The following CARS2 variants were observed in gnomAD, a reference collection of about 807,000 sequenced individuals.
CARS2 encodes the protein cysteinyl-tRNA synthetase 2, mitochondrial.
A neutral mutation model predicts 68.8 loss-of-function variants in CARS2; 52 were observed. The observed-to-expected ratio is 0.76, with a 90% CI of 0.61 to 0.95. The LOEUF is 0.95. Ranked by LOEUF, CARS2 falls within the 40% of genes least tolerant of loss-of-function variation. The pLI, the probability that CARS2 is intolerant of heterozygous loss-of-function variation, is 0.00. For missense variants in CARS2, 780 were observed against 754.2 expected (o/e 1.03, Z -0.40); for synonymous variants, 314 against 303.6 (o/e 1.03, Z -0.36).
chr13:110,646,997 G>A, intron 11 of CARS2, 104 bp downstream of exon 11: 1 of 1,352,048 alleles, frequency 7.4e-7, no homozygotes, highest in Non-Finnish European at 9.8e-7. Context: ...CTCCTGTCCA[G>A]CGCCCTGTCT....
In CARS2 at chr13:110,649,931, C is replaced by CTGTTTTTTTTTTTTTTTTTTTTT. The variant is rs1249270267; in HGVS notation, c.1054+1102_1054+1103insAAAAAAAAAAAAAAAAAAAAACA. 6.0e-4 allele frequency among the ~76,000 whole-genome samples: 44 copies of CTGTTTTTTTTTTTTTTTTTTTTT among 73,146 alleles called. 3 individuals are homozygous for CTGTTTTTTTTTTTTTTTTTTTTT. The highest frequency in any genetic ancestry group is 1.3e-3 in the East Asian group (3 of 2,246). 48.0% of individuals were successfully genotyped at this position (73,146 alleles called of 152,430 possible). ...CCAGGGATGCAGCTCTGGATAACGA[C>CTGTTTTTTTTTTTTTTTTTTTTT]TTTTTTTTTTTTTTTTTTTTTTTTG... On this transcript the variant is annotated intron_variant, in intron 10 of 14. Transcript: ENST00000257347.
intron 14 of CARS2, 108 bp from the exon 15 acceptor site, chr13:110,641,716 C>A: frequency 2.2e-6 from 2 of 897,108 alleles, no homozygotes; most frequent in South Asian, 2.7e-5. Context: ...ACCGGCCTGT[C>A]CTAAAAAGCT....
In CARS2 at chr13:110,674,862, G is replaced by GA. The variant is rs1305485254; in HGVS notation, c.785+2111dup. ...ACAAAGAACTTAAACAAATTTACAA[G>GA]AAAAAATCAAACAACCCCATCAAAA... On this transcript the variant is annotated intron_variant, in intron 7 of 14. Coordinates refer to ENST00000257347, the MANE Select transcript of CARS2 (RefSeq NM_024537.4). Among the ~76,000 whole-genome samples the GA allele has an allele frequency of 1.6e-3, 247 of 152,142 alleles. 3 individuals carry two copies. The highest frequency in any genetic ancestry group is 1.2e-4 in the Non-Finnish European group (8 of 67,998).
In CARS2 at chr13:110,663,484, C is replaced by T. The variant is rs767180583; in HGVS notation, c.954G>A (p.Met318Ile). 1.9e-6 allele frequency: 3 copies of T among 1,614,074 alleles called. No homozygotes were observed. Among genetic ancestry groups the T allele is most frequent in the Admixed American group, 1.7e-5 (1 of 59,978 alleles). Reference sequence around the variant, plus strand: ...TAATGTAGTTCTTTAATGATTTGGACATTTTTTCTTCTTTGCCTTTGGCGT... The same window carrying T: ...TAATGTAGTTCTTTAATGATTTGGATATTTTTTCTTCTTTGCCTTTGGCGT... ...HLHAKGKEEKMSKSLKNYITI... is the reference protein window; with the variant it reads ...HLHAKGKEEKISKSLKNYITI... The change falls in exon 9 of 15, where the codon ATG (methionine) becomes ATA (isoleucine). Residue 318 changes from methionine (M) to isoleucine (I), a missense_variant. By Grantham distance (10) the Met-to-Ile change is conservative (BLOSUM62 1). Coordinates refer to ENST00000257347, the MANE Select transcript of CARS2 (RefSeq NM_024537.4).
chr13:110,645,984 G>A lies in CARS2; in HGVS notation c.1300C>T (p.Leu434Phe), dbSNP rs1888057838. Residue 434 changes from leucine (L) to phenylalanine (F), a missense_variant, in exon 12 of 15, where the codon CTC becomes TTC. Coordinates refer to ENST00000257347, the MANE Select transcript of CARS2 (RefSeq NM_024537.4). ...LGLAHHGNGQ[L>F]RASLKEPEGP... ...TGAGCTACCTTCAGGGACGCCCTGA[G>A]CTGTCCATTCCCGTGGTGTGCAAGG... 2 of 1,613,674 alleles carry A rather than the reference G, an allele frequency of 1.2e-6. No individual in the cohort carries two copies. The highest frequency in any genetic ancestry group is 1.7e-6 in the Non-Finnish European group (2 of 1,179,842).
chr13:110,662,955 C>G lies in CARS2; in HGVS notation c.987+496G>C, dbSNP rs902777623. On this transcript the variant is annotated intron_variant, in intron 9 of 14. Coordinates refer to ENST00000257347, the MANE Select transcript of CARS2 (RefSeq NM_024537.4). Reference sequence around the variant, plus strand: ...CAGCCAGAGCCCTCCGTGGGTGTGCCTGTTTTCCATTCACACGAAAATTCA... The same window carrying G: ...CAGCCAGAGCCCTCCGTGGGTGTGCGTGTTTTCCATTCACACGAAAATTCA... 1.7e-4 allele frequency: 77 copies of G among 455,458 alleles called. 5 individuals carry two copies. The highest frequency in any genetic ancestry group is 1.8e-5 in the Non-Finnish European group (4 of 226,582). The allele number at this position is 455,458 out of a possible 1,614,324, so 28.2% of individuals were successfully genotyped here. A position where few individuals can be genotyped will look rare whatever the true frequency, so the allele number is the denominator to read the frequency against.
chr13:110,643,024 AG>A, intron 13 of CARS2: 1 of 345,572 alleles, frequency 2.9e-6, no homozygotes, highest in South Asian at 2.2e-5. Flanking sequence ...GCGGTGTGGA[AG>A]GGGCAGCTGT....
In CARS2 at chr13:110,673,912, C is replaced by T. The variant is rs2062871927; in HGVS notation, c.785+3062G>A. On this transcript the variant is annotated intron_variant, in intron 7 of 14. Transcript: ENST00000257347. ...TGCAAAAATCACAAGCATTCCTGTACACCAATAACAGACAGGGAGCCAAAT... is the reference window on the plus strand; with the variant it reads ...TGCAAAAATCACAAGCATTCCTGTATACCAATAACAGACAGGGAGCCAAAT... 2.0e-5 allele frequency among the ~76,000 whole-genome samples: 3 copies of T among 152,202 alleles called. No homozygotes were observed. The South Asian group carries it at 6.2e-4, about 31-fold the overall frequency.
chr13:110,691,305 C>T (rs954991236), intron 3 of CARS2, among the ~76,000 whole-genome samples: 17 of 152,126 alleles, frequency 1.1e-4, no homozygotes, highest in African/African-American at 3.9e-4. Context: ...TGTGAGTCAC[C>T]GTGCCAGGCC....
chr13:110,684,334 T>C (rs1346860321), intron 5 of CARS2, among the ~76,000 whole-genome samples: 1 of 152,062 alleles, frequency 6.6e-6, no homozygotes. Flanking sequence ...CTGTCCTTAC[T>C]GCGGACACTG....
At chr13:110,709,111 CTCT>C (rs1197619705), upstream of CARS2, among the ~76,000 whole-genome samples, 1 of 145,552 alleles carries the variant, frequency 6.9e-6, no homozygotes, top group East Asian at 2.1e-4. Flanking sequence ...TGGAGTTTCA[CTCT>C]TGTTGCCCAG....
intron 12 of CARS2, 40 bp from the exon 13 acceptor site, chr13:110,644,523 C>T (rs1887831055): frequency 6.2e-7 from 1 of 1,610,496 alleles, no homozygotes; most frequent in African/African-American, 1.3e-5. Flanking sequence ...TAAAAGCAGT[C>T]TTGATGGCAG....
intron 8 of CARS2, chr13:110,663,752 G>A: frequency 3.1e-6 from 4 of 1,270,578 alleles, no homozygotes; most frequent in Non-Finnish European, 4.0e-6. Context: ...AGAGCAGATG[G>A]CAGGGGTGCC....
chr13:110,656,744 C>T (rs2062379366), intron 9 of CARS2, among the ~76,000 whole-genome samples: 3 of 152,084 alleles, frequency 2.0e-5, no homozygotes, highest in East Asian at 1.9e-4. Flanking sequence ...ATTAGCCAGG[C>T]GTGGTGGTGG....
At chr13:110,680,850 C>T (rs924254773) in intron 6 of CARS2, among the ~76,000 whole-genome samples, 1 of 152,182 alleles carries the variant, frequency 6.6e-6, no homozygotes, top group African/African-American at 2.4e-5. Flanking sequence ...GGCAATAAAC[C>T]CATTCAGAAA....
At chr13:110,644,319 G>A in intron 13 of CARS2, 66 bp downstream of exon 13, 1 of 1,482,566 alleles carries the variant, frequency 6.7e-7, no homozygotes, top group Non-Finnish European at 9.4e-7. Context: ...AAGTTAAAAG[G>A]GTAAAGGTTA....
chr13:110,708,478 A>G (rs986812924), upstream of CARS2, among the ~76,000 whole-genome samples: 2 of 152,252 alleles, frequency 1.3e-5, no homozygotes, highest in South Asian at 4.1e-4. Flanking sequence ...TGTTCATAGA[A>G]CATCACAACT....
In CARS2 at chr13:110,670,205, G is replaced by C. The variant is rs915022040; in HGVS notation, c.786-2732C>G. Among the ~76,000 whole-genome samples the C allele has an allele frequency of 1.3e-5, 2 of 152,222 alleles. No individual in the cohort carries two copies. Among genetic ancestry groups the C allele is most frequent in the African/African-American group, 2.4e-5 (1 of 41,460 alleles). Reference sequence around the variant, plus strand: ...CGTTCCTGACTGACAGCTTTGAAGAGTAGTGGTTCTCCCAGCACGGAGTTT... The same window carrying C: ...CGTTCCTGACTGACAGCTTTGAAGACTAGTGGTTCTCCCAGCACGGAGTTT... On this transcript the variant is annotated intron_variant, in intron 7 of 14. Transcript: ENST00000257347. This position sits in a 1 kb window ranked among gnomAD's most constrained non-coding sequence, Gnocchi z 4.1.
At chr13:110,660,845 T>G (rs1484647845) in intron 9 of CARS2, among the ~76,000 whole-genome samples, 1 of 144,566 alleles carries the variant, frequency 6.9e-6, no homozygotes, top group African/African-American at 2.5e-5. Context: ...CACTGCAACC[T>G]CCGCCTCCCA....
Sources: allele counts gnomAD v4.1 joint callset (sites outside exome capture counted in the v4.1 genomes callset), GRCh38; gene constraint gnomAD v4.1.1; non-coding constraint Gnocchi (gnomAD v3.1); transcripts MANE v1.5; gene names NCBI Gene and HGNC (gene_info 2026-07-23, HGNC 2026-07-21).